The following SLC45A2 variants were observed in gnomAD, a reference collection of about 807,000 sequenced individuals.
SLC45A2 encodes the protein membrane-associated transporter protein.
In SLC45A2, 36 loss-of-function variants were observed where a neutral mutation model predicts 45.5. That is an observed-to-expected ratio of 0.79 (90% CI 0.61 to 1.04). The LOEUF (loss-of-function observed/expected upper bound fraction) is 1.04. SLC45A2 is among the 50% of genes least tolerant of loss of function. The probability of loss-of-function intolerance (pLI) is 0.00; values close to 1 mark genes in which losing one functional copy is unlikely to be tolerated. For synonymous variants in SLC45A2, 306 were observed against 269.3 expected (o/e 1.14, Z -1.33); for missense variants, 719 against 671.0 (o/e 1.07, Z -0.79).
rs371802001 is a variant in SLC45A2, at chr5:33,963,859, G to A, written c.720C>T (p.Ala240=). Residue 240 remains alanine, a synonymous_variant, in exon 3 of 7, where the codon GCC becomes GCT. Coordinates refer to ENST00000296589, the MANE Select transcript of SLC45A2 (RefSeq NM_016180.5). ...TGCCCTTTGCAACCTCTGTAAGTGG[G>A]GCTTCAGAGATACTGCACAGATGAA... ...FTVHLCSISE[A]PLTEVAKGIP... is the part of the protein sequence containing the mutation. 9 of 1,614,106 alleles carry A rather than the reference G, an allele frequency of 5.6e-6. No homozygotes were observed. The East Asian group carries it at 1.6e-4, about 28-fold the overall frequency.
chr5:33,949,132 C>T (rs372772507), intron 5 of SLC45A2, among the ~76,000 whole-genome samples: 2 of 152,164 alleles, frequency 1.3e-5, no homozygotes, highest in Admixed American at 1.3e-4. Flanking sequence ...ATACCTGTAC[C>T]TGCTGTATAC....
intron 3 of SLC45A2, among the ~76,000 whole-genome samples, chr5:33,959,056 A>T (rs908482471): frequency 6.6e-6 from 1 of 152,110 alleles, no homozygotes. Context: ...ACATTATTTG[A>T]TTACTTTTTC....
chr5:33,970,942 G>A, intron 2 of SLC45A2: 1 of 438,002 alleles, frequency 2.3e-6, no homozygotes, highest in South Asian at 1.8e-5. Flanking sequence ...ACCATCTTAA[G>A]GAGCTAAGGG....
rs187861270 is a variant in SLC45A2, at chr5:33,956,785, G to T, written c.889-2281C>A. Among the ~76,000 whole-genome samples, 4 of 152,222 alleles carry T rather than the reference G, an allele frequency of 2.6e-5. No individual in the cohort carries two copies. The East Asian group carries it at 7.7e-4, about 29-fold the overall frequency. ...GTTTTTCAGTTAATATTGTAAAAAA[G>T]GCTGCATTGACATAGCTAAATCTCC... On this transcript the variant is annotated intron_variant, in intron 3 of 6. Coordinates refer to ENST00000296589, the MANE Select transcript of SLC45A2 (RefSeq NM_016180.5).
intron 3 of SLC45A2, 139 bp from the exon 4 acceptor site, chr5:33,954,643 G>T: frequency 1.6e-6 from 2 of 1,222,286 alleles, no homozygotes; most frequent in Non-Finnish European, 2.3e-6. Context: ...CATGGAACTA[G>T]GTTTCCATGG....
At chr5:33,962,284 A>G (rs1189569547) in intron 3 of SLC45A2, among the ~76,000 whole-genome samples, 3 of 152,252 alleles carry the variant, frequency 2.0e-5, no homozygotes, top group African/African-American at 7.2e-5. Context: ...AATATCTAGT[A>G]CAGTGCTTTG....
intron 3 of SLC45A2, among the ~76,000 whole-genome samples, chr5:33,957,172 C>A (rs1453961605): frequency 1.3e-5 from 2 of 151,966 alleles, no homozygotes; most frequent in Admixed American, 1.3e-4. Context: ...AAGAAAGAAA[C>A]CTTGGGAATA....
chr5:33,976,386 G>T (rs1173561007), intron 2 of SLC45A2, among the ~76,000 whole-genome samples: 1 of 152,228 alleles, frequency 6.6e-6, no homozygotes, highest in Non-Finnish European at 1.5e-5. Flanking sequence ...ATGGTGTAAT[G>T]AGTATGATTA....
At chr5:33,971,360 G>C in intron 2 of SLC45A2, 1 of 507,076 alleles carries the variant, frequency 2.0e-6, no homozygotes, top group Non-Finnish European at 3.9e-6. Context: ...AAGGCTGTTT[G>C]TTATGTGGAC....
Position 33,951,496 on chromosome 5 carries a change from C to G in SLC45A2, c.1156+58G>C, listed in dbSNP as rs775967282. 98 of 1,612,324 alleles carry G rather than the reference C, an allele frequency of 6.1e-5. No individual in the cohort carries two copies. In the East Asian group the frequency reaches 2.1e-3, roughly 34 times the overall value. On this transcript the variant is annotated intron_variant, in intron 5 of 6. Coordinates refer to ENST00000296589, the MANE Select transcript of SLC45A2 (RefSeq NM_016180.5). ...GAAATACACATAGAAATATCAAATC[C>G]AAGTTGTGCTAGACCAGAAACTTTT... is the stretch of plus-strand genomic sequence containing the variant.
At chr5:33,967,783 GACACACACACACACACACACACACAC>G (rs10529094) in intron 2 of SLC45A2, among the ~76,000 whole-genome samples, 14 of 147,004 alleles carry the variant, frequency 9.5e-5, no homozygotes, top group African/African-American at 3.6e-4. Flanking sequence ...TATTTTGCTA[GACACACACACACACACACACACACAC>G]ACACACACAC....
At chr5:33,969,985 A>C (rs921170527) in intron 2 of SLC45A2, among the ~76,000 whole-genome samples, 6 of 152,192 alleles carry the variant, frequency 3.9e-5, no homozygotes, top group African/African-American at 1.4e-4. Context: ...CTAAGTTGTA[A>C]TGGCTCAGCA....
chr5:33,963,744 C>A lies in SLC45A2; in HGVS notation c.835G>T (p.Val279Leu), dbSNP rs368411468. The change falls in exon 3 of 7, where the codon GTA (valine) becomes TTA (leucine). Residue 279 changes from valine (V) to leucine (L), a missense_variant. Coordinates refer to ENST00000296589, the MANE Select transcript of SLC45A2 (RefSeq NM_016180.5). ...GSIEKVKNGY[V>L]NPELAMQGAK... The stretch of plus-strand genomic sequence containing the variant: ...CCCTGCATTGCCAGCTCTGGATTTA[C>A]GTAACCATTTTTAACTTTCTCGATA... 1 of 1,614,090 alleles carries A rather than the reference C, an allele frequency of 6.2e-7. No homozygotes were observed. Among genetic ancestry groups the A allele is most frequent in the East Asian group, 2.2e-5 (1 of 44,882 alleles).
At chr5:33,951,324 C>T in intron 5 of SLC45A2, 1 of 1,178,290 alleles carries the variant, frequency 8.5e-7, no homozygotes, top group Non-Finnish European at 1.1e-6. Flanking sequence ...GATCAGGAAC[C>T]CACTGATTCC....
rs532373363 is a variant in SLC45A2 at position 33,959,794 on chromosome 5, A to G, written c.888+3897T>C. ...CCATTTTGCCAATTCAAACATGAGCAGTGTCGAAGTTTACTTTTGCATTTA... is the reference window on the plus strand; with the variant it reads ...CCATTTTGCCAATTCAAACATGAGCGGTGTCGAAGTTTACTTTTGCATTTA... On this transcript the variant is annotated intron_variant, in intron 3 of 6. Coordinates refer to ENST00000296589, the MANE Select transcript of SLC45A2 (RefSeq NM_016180.5). Among the ~76,000 whole-genome samples, 3 of 152,290 alleles carry G rather than the reference A, an allele frequency of 2.0e-5. No homozygotes were observed. In the South Asian group the frequency reaches 6.2e-4, roughly 32 times the overall value.
At position 33,984,639 on chromosome 5, in the gene SLC45A2, G is replaced by T. The variant is rs1753199479; in HGVS notation, c.-56C>A. ...CCACCACCTCCTGCGTGGTCCTAGG[G>T]TCTGTGTTTCAAACTGGATTTGACG... is the stretch of plus-strand genomic sequence containing the variant. On this transcript the variant is annotated 5_prime_UTR_variant, in exon 1 of 7. Transcript: ENST00000296589. The T allele has an allele frequency of 6.3e-7, 1 of 1,599,944 alleles. No individual in the cohort carries two copies. The highest frequency in any genetic ancestry group is 2.2e-5 in the East Asian group (1 of 44,874).
At chr5:33,971,875 C>T (rs1034226040) in intron 2 of SLC45A2, among the ~76,000 whole-genome samples, 4 of 152,174 alleles carry the variant, frequency 2.6e-5, no homozygotes, top group African/African-American at 9.7e-5. Context: ...AATCCACCCA[C>T]CTTGGCCTCC....
intron 2 of SLC45A2, among the ~76,000 whole-genome samples, chr5:33,964,734 C>T (rs1752554952): frequency 6.6e-6 from 1 of 152,190 alleles, no homozygotes; most frequent in Non-Finnish European, 1.5e-5. Flanking sequence ...TTGAGGGATA[C>T]TGAGGAAAGG....
chr5:33,964,822 T>C (rs2111965146), intron 2 of SLC45A2, among the ~76,000 whole-genome samples: 2 of 152,302 alleles, frequency 1.3e-5, no homozygotes, highest in Non-Finnish European at 2.9e-5. Context: ...GAGTTTCTGT[T>C]TTAAAATACA....
Sources: allele counts gnomAD v4.1 joint callset (sites outside exome capture counted in the v4.1 genomes callset), GRCh38; gene constraint gnomAD v4.1.1; transcripts MANE v1.5; gene names NCBI Gene and HGNC (gene_info 2026-07-23, HGNC 2026-07-21).